The following NTAQ1 variants were observed in gnomAD, a reference collection of about 807,000 sequenced individuals.
NTAQ1 encodes the protein N-terminal glutamine amidase 1, also known as protein N-terminal glutamine amidohydrolase.
In NTAQ1, 21 loss-of-function variants were observed where a neutral mutation model predicts 28.2. The observed-to-expected ratio is 0.74, with a 90% CI of 0.53 to 1.07. The LOEUF is 1.07. Among genes scored for constraint, NTAQ1 ranks in the 50% least tolerant of loss-of-function variants. NTAQ1 has a pLI of 0.00. For missense variants in NTAQ1, 264 were observed against 256.6 expected, an observed-to-expected ratio of 1.03 and a Z score of -0.20; for synonymous variants, 105 against 90.0, an observed-to-expected ratio of 1.17 and a Z score of -0.94.
chr8:123,426,644 T>C (rs1814070104), intron 1 of NTAQ1, among the ~76,000 whole-genome samples: 1 of 150,972 alleles, frequency 6.6e-6, no homozygotes, highest in African/African-American at 2.4e-5. Flanking sequence ...CAGCCTGGGC[T>C]ATGGAGTGAG....
In NTAQ1 at chr8:123,425,632, A is replaced by G. The variant is rs531804405; in HGVS notation, c.84-2292A>G. The stretch of plus-strand genomic sequence containing the variant: ...GGCAAGGCAAAGATTGATGAACTGA[A>G]AGAGTGTCTACTTCTGTAAGATGGT... On this transcript the variant is annotated intron_variant, in intron 1 of 5. Transcript: ENST00000287387. Among the ~76,000 whole-genome samples the G allele has an allele frequency of 1.8e-4, 28 of 152,284 alleles. 1 individual carries two copies. The highest frequency in any genetic ancestry group is 6.8e-3 in the Middle Eastern group (2 of 294).
chr8:123,467,963 G>A (rs975134095), exon 7 of NTAQ1, among the ~76,000 whole-genome samples: 2 of 152,156 alleles, frequency 1.3e-5, no homozygotes, highest in East Asian at 3.9e-4. Flanking sequence ...GGTCAGGCTG[G>A]TCTCGAACTC....
At chr8:123,422,516 A>G (rs1813764218) in intron 1 of NTAQ1, among the ~76,000 whole-genome samples, 1 of 151,058 alleles carries the variant, frequency 6.6e-6, no homozygotes, top group Non-Finnish European at 1.5e-5. Context: ...GGCTCAAGTG[A>G]TCTTCCTGCC....
chr8:123,437,479 G>A (rs960679664), intron 5 of NTAQ1, 145 bp downstream of exon 5: 41 of 1,142,274 alleles, frequency 3.6e-5, no homozygotes, highest in Admixed American at 3.3e-4. Context: ...CGAGGTGGGC[G>A]GATCACGAGG....
downstream of NTAQ1, among the ~76,000 whole-genome samples, chr8:123,473,185 C>G (rs1365066126): frequency 6.6e-6 from 1 of 152,044 alleles, no homozygotes. Context: ...AAGAAAGTGT[C>G]TGGGAAAATC....
intron 1 of NTAQ1, among the ~76,000 whole-genome samples, chr8:123,427,183 A>G (rs1345601114): frequency 1.3e-5 from 2 of 149,770 alleles, no homozygotes; most frequent in Admixed American, 6.7e-5. Flanking sequence ...TGTTTACAGT[A>G]TATGATTATG....
At chr8:123,467,808 G>A (rs1393736584) in exon 7 of NTAQ1, among the ~76,000 whole-genome samples, 4 of 152,188 alleles carry the variant, frequency 2.6e-5, no homozygotes, top group Non-Finnish European at 5.9e-5. Flanking sequence ...GAAGTGCAAT[G>A]GCACGGTCTC....
chr8:123,460,199 T>C (rs1035782781), intron 6 of NTAQ1, among the ~76,000 whole-genome samples: 2 of 152,178 alleles, frequency 1.3e-5, no homozygotes, highest in African/African-American at 2.4e-5. Flanking sequence ...ACAGATAATA[T>C]GTATGGAGTA....
At chr8:123,469,012 A>G (rs956453384) in exon 7 of NTAQ1, among the ~76,000 whole-genome samples, 1 of 152,076 alleles carries the variant, frequency 6.6e-6, no homozygotes, top group South Asian at 2.1e-4. Flanking sequence ...GGCCATTTGT[A>G]TATCACTTTT....
chr8:123,435,254 G>A (rs973014574), intron 3 of NTAQ1, among the ~76,000 whole-genome samples: 3 of 152,204 alleles, frequency 2.0e-5, no homozygotes, highest in African/African-American at 7.2e-5. Flanking sequence ...TTGAGTCTGA[G>A]AGTGAGGGTG....
At chr8:123,436,307 G>C (rs12675771) in intron 3 of NTAQ1, 146 bp from the exon 4 acceptor site, 190,769 of 591,380 alleles carry the variant, frequency 0.32, 32,820 homozygotes, top group South Asian at 0.43. Context: ...TGTTTTCAGG[G>C]TGTTGTGTTT....
rs567961976 is a variant in NTAQ1 at position 123,428,696 on chromosome 8, G to A, written c.183+673G>A. ...GCTCACTGCAACCTCTGCCTCCCAGGTTCAAGTGATTTTTGTGTCTCAGGC... is the reference window on the plus strand; with the variant it reads ...GCTCACTGCAACCTCTGCCTCCCAGATTCAAGTGATTTTTGTGTCTCAGGC... On this transcript the variant is annotated intron_variant, in intron 2 of 5. Coordinates refer to ENST00000287387, the MANE Select transcript of NTAQ1 (RefSeq NM_018024.3). 3.8e-4 allele frequency among the ~76,000 whole-genome samples: 57 copies of A among 151,898 alleles called. No individual in the cohort carries two copies. In the Middle Eastern group the frequency reaches 0.01, roughly 27 times the overall value.
chr8:123,443,556 T>A (rs1227967083), downstream of NTAQ1, among the ~76,000 whole-genome samples: 2 of 152,214 alleles, frequency 1.3e-5, no homozygotes, highest in Non-Finnish European at 2.9e-5. Context: ...TGTATCAGAT[T>A]GATCTGTGCT....
At chr8:123,438,340 A>G in intron 5 of NTAQ1, 2 of 591,362 alleles carry the variant, frequency 3.4e-6, no homozygotes, top group South Asian at 4.0e-5. Context: ...GCATGTCAGA[A>G]AAATAGGGCA....
chr8:123,417,020 C>T (rs971421976), intron 1 of NTAQ1, 88 bp downstream of exon 1: 4 of 1,285,928 alleles, frequency 3.1e-6, no homozygotes, highest in African/African-American at 1.6e-5. Context: ...GGCCCCTCCT[C>T]GGGGGCGCTC....
downstream of NTAQ1, among the ~76,000 whole-genome samples, chr8:123,449,859 TTCTC>T (rs112959997): frequency 1.1e-3 from 119 of 111,248 alleles, 1 homozygote; most frequent in African/African-American, 3.0e-3. Flanking sequence ...GCTCGCTGCT[TTCTC>T]TCTCTCTCTC....
chr8:123,428,234 C>T (rs1015277901), intron 2 of NTAQ1, among the ~76,000 whole-genome samples: 9 of 152,042 alleles, frequency 5.9e-5, no homozygotes, highest in African/African-American at 1.9e-4. Context: ...TCCCTTCTGT[C>T]GCCCAGGCTG....
At chr8:123,441,279 A>G in intron 5 of NTAQ1, 27 bp from the exon 6 acceptor site, 2 of 1,565,398 alleles carry the variant, frequency 1.3e-6, no homozygotes, top group Non-Finnish European at 1.7e-6. Context: ...TTTTCAGTGG[A>G]CATTTTTTTT....
chr8:123,461,440 A>G (rs1248314135), intron 6 of NTAQ1, among the ~76,000 whole-genome samples: 1 of 152,164 alleles, frequency 6.6e-6, no homozygotes, highest in Non-Finnish European at 1.5e-5. Context: ...AACCCAATGC[A>G]GTTTCCAGAT....
Sources: gnomAD v4.1 joint callset for allele counts (sites outside exome capture counted in the v4.1 genomes callset) on GRCh38, gnomAD v4.1.1 for gene constraint, MANE v1.5 for transcripts, NCBI Gene and HGNC (gene_info 2026-07-23, HGNC 2026-07-21) for gene names.